The following FBXL13 variants were observed in gnomAD, a reference collection of about 807,000 sequenced individuals.
FBXL13 encodes the protein F-box and leucine-rich repeat protein 13.
A neutral mutation model predicts 83.6 loss-of-function variants in FBXL13; 67 were observed. That is an observed-to-expected ratio of 0.80 (90% CI 0.66 to 0.98). FBXL13 has a LOEUF of 0.98. Among genes scored for constraint, FBXL13 ranks in the 50% least tolerant of loss-of-function variants. The pLI is 0.00. For synonymous variants in FBXL13, 272 were observed against 299.5 expected, an observed-to-expected ratio of 0.91 and a Z score of 0.95; for missense variants, 822 against 866.5, an observed-to-expected ratio of 0.95 and a Z score of 0.64.
At chr7:103,000,531 T>C (rs775522024) in intron 6 of FBXL13, among the ~76,000 whole-genome samples, 5 of 152,246 alleles carry the variant, frequency 3.3e-5, no homozygotes, top group Non-Finnish European at 5.9e-5. Context: ...GAGAATGCTT[T>C]ACATGCTAAA....
chr7:103,034,618 T>A (rs1246827521), intron 2 of FBXL13, among the ~76,000 whole-genome samples: 2 of 152,222 alleles, frequency 1.3e-5, no homozygotes, highest in Non-Finnish European at 2.9e-5. Flanking sequence ...GGGAGCCGGT[T>A]CCGGCCTTGG....
chr7:102,889,286 TTGAATGAATGAA>T (rs1195011581), intron 11 of FBXL13, among the ~76,000 whole-genome samples: 1 of 152,174 alleles, frequency 6.6e-6, no homozygotes, highest in Non-Finnish European at 1.5e-5. Context: ...TCCAGAAATG[TTGAATGAATGAA>T]TGAATGGATT....
At chr7:102,920,129 CAA>C (rs1380711791) in intron 10 of FBXL13, among the ~76,000 whole-genome samples, 4 of 152,110 alleles carry the variant, frequency 2.6e-5, no homozygotes, top group Non-Finnish European at 5.9e-5. Context: ...CAGGAGTAGT[CAA>C]AAGTTATTGT....
intron 6 of FBXL13, among the ~76,000 whole-genome samples, chr7:102,990,074 G>A (rs1190824785): frequency 6.6e-6 from 1 of 152,316 alleles, no homozygotes; most frequent in Admixed American, 6.5e-5. Context: ...AAAGGTTAAA[G>A]TTTCCAAATA....
intron 14 of FBXL13, among the ~76,000 whole-genome samples, chr7:102,879,339 A>G (rs1020825773): frequency 6.6e-6 from 1 of 152,114 alleles, no homozygotes; most frequent in Non-Finnish European, 1.5e-5. Flanking sequence ...ATCCTGTTTC[A>G]GCTGAATGAG....
At chr7:102,822,094 A>T in exon 19 of FBXL13, 1 of 1,614,244 alleles carries the variant, frequency 6.2e-7, no homozygotes, top group South Asian at 1.1e-5. Flanking sequence ...TTTGCAGCCT[A>T]TCTGAAGGTC....
rs77115405 is a variant in FBXL13 at position 102,965,850 on chromosome 7, G to A, written c.591+2172C>T. On this transcript the variant is annotated intron_variant, in intron 7 of 19. Coordinates refer to ENST00000313221, the Ensembl canonical transcript of FBXL13. ...CCAATGTTCAGTGGCAACATTTTCC[G>A]TGTTGTCTAAAGTCCAGTCAATAGC... Among the ~76,000 whole-genome samples the A allele has an allele frequency of 3.0e-3, 453 of 152,186 alleles. 3 individuals carry two copies. The highest frequency in any genetic ancestry group is 3.7e-3 in the Non-Finnish European group (251 of 68,002).
intron 8 of FBXL13, among the ~76,000 whole-genome samples, chr7:102,963,202 T>A (rs1192774982): frequency 1.3e-5 from 2 of 150,980 alleles, no homozygotes; most frequent in African/African-American, 4.9e-5. Flanking sequence ...ATGCCTGTAG[T>A]CCCAGCTACT....
chr7:102,901,450 A>G (rs1049421756), intron 11 of FBXL13, among the ~76,000 whole-genome samples: 2 of 152,144 alleles, frequency 1.3e-5, no homozygotes, highest in African/African-American at 4.8e-5. Context: ...ATGTACAATT[A>G]AGTATTATTG....
At chr7:102,864,254 C>CATA (rs1292857861) in intron 16 of FBXL13, among the ~76,000 whole-genome samples, 2 of 152,212 alleles carry the variant, frequency 1.3e-5, no homozygotes, top group African/African-American at 4.8e-5. Context: ...AATCCCAACA[C>CATA]ATAACCCTCC....
At chr7:102,860,360 G>T (rs940293909) in intron 16 of FBXL13, among the ~76,000 whole-genome samples, 1 of 152,182 alleles carries the variant, frequency 6.6e-6, no homozygotes, top group Non-Finnish European at 1.5e-5. Flanking sequence ...ACAGAGGAAG[G>T]AGATTTTGAA....
chr7:102,903,895 T>G (rs1007029361), intron 11 of FBXL13, among the ~76,000 whole-genome samples: 1 of 150,292 alleles, frequency 6.7e-6, no homozygotes, highest in African/African-American at 2.4e-5. Context: ...GATTTTTGCA[T>G]CAATATTCAT....
chr7:103,047,122 C>A (rs188270553), intron 2 of FBXL13: 1 of 152,154 alleles, frequency 6.6e-6, no homozygotes, highest in Non-Finnish European at 1.5e-5. Context: ...AATGACCCAT[C>A]GGATAGCCAA....
At chr7:102,976,394 T>C (rs1827463373) in intron 6 of FBXL13, among the ~76,000 whole-genome samples, 1 of 152,096 alleles carries the variant, frequency 6.6e-6, no homozygotes, top group Non-Finnish European at 1.5e-5. Context: ...GCACACCTTT[T>C]CCTTCACTCA....
intron 1 of FBXL13, among the ~76,000 whole-genome samples, chr7:103,063,020 A>G (rs944180710): frequency 2.6e-5 from 4 of 152,246 alleles, no homozygotes; most frequent in African/African-American, 7.2e-5. Flanking sequence ...CATCTGTTCA[A>G]AAAATTAAGT....
At chr7:102,841,468 C>G (rs1802929023) in intron 17 of FBXL13, among the ~76,000 whole-genome samples, 1 of 152,108 alleles carries the variant, frequency 6.6e-6, no homozygotes, top group African/African-American at 2.4e-5. Context: ...TGGTTCTTCC[C>G]CAATGGGAGT....
chr7:102,934,035 GCT>G, intron 8 of FBXL13: 1 of 1,614,076 alleles, frequency 6.2e-7, no homozygotes, highest in African/African-American at 1.3e-5. Context: ...GGCCGGAGAG[GCT>G]CCAACCCGGT....
intron 6 of FBXL13, among the ~76,000 whole-genome samples, chr7:102,970,316 T>G (rs1481794798): frequency 6.6e-6 from 1 of 152,062 alleles, no homozygotes; most frequent in Non-Finnish European, 1.5e-5. Context: ...TTGGTTTGGG[T>G]TAAACAGAAA....
intron 2 of FBXL13, among the ~76,000 whole-genome samples, chr7:103,050,965 CT>C (rs1220674806): frequency 6.6e-6 from 1 of 152,224 alleles, no homozygotes; most frequent in Non-Finnish European, 1.5e-5. Context: ...TTTAAACACA[CT>C]TCATTGCTTT....
Sources: allele counts gnomAD v4.1 joint callset (sites outside exome capture counted in the v4.1 genomes callset), GRCh38; gene constraint gnomAD v4.1.1; transcripts MANE v1.5; gene names NCBI Gene and HGNC (gene_info 2026-07-23, HGNC 2026-07-21).